DPYS: variants seen among roughly 807,000 people sequenced by gnomAD.
The protein encoded by DPYS is dihydropyrimidine amidohydrolase.
In DPYS, 39 loss-of-function variants were observed where a neutral mutation model predicts 50.3. That is an observed-to-expected ratio of 0.78 (90% confidence interval 0.60 to 1.01). The LOEUF (loss-of-function observed/expected upper bound fraction) is 1.01, where lower values mean the gene tolerates loss of function less well. DPYS is among the 50% of genes least tolerant of loss of function. The probability of loss-of-function intolerance (pLI) is 0.00; values close to 1 mark genes in which losing one functional copy is unlikely to be tolerated. For synonymous variants in DPYS, 245 were observed against 250.7 expected, an observed-to-expected ratio of 0.98 and a Z score of 0.22; for missense variants, 659 against 680.9, an observed-to-expected ratio of 0.97 and a Z score of 0.36.
chr8:104,398,530 T>A (rs570811878), intron 7 of DPYS, among the ~76,000 whole-genome samples: 1 of 152,388 alleles, frequency 6.6e-6, no homozygotes, highest in East Asian at 1.9e-4. Context: ...TTCTCTTGAT[T>A]GCAGCTAAGA....
chr8:104,427,306 C>G (rs1812764163), intron 6 of DPYS, among the ~76,000 whole-genome samples: 1 of 144,500 alleles, frequency 6.9e-6, no homozygotes, highest in African/African-American at 2.6e-5. Flanking sequence ...GTGATGGAGT[C>G]TCACTGTGTT....
rs150240877 is a variant in DPYS at position 104,391,925 on chromosome 8, T to TA, written c.1443+858dup. 3.7e-3 allele frequency among the ~76,000 whole-genome samples: 564 copies of TA among 151,548 alleles called. 3 individuals are homozygous for TA. The highest frequency in any genetic ancestry group is 0.012 in the African/African-American group (514 of 41,314). On this transcript the variant is annotated intron_variant, in intron 8 of 9. Transcript: ENST00000351513. ...ACTGCTTTGGGCCATGCCTTTCATT[T>TA]AAAAAAAAACCCATTTGAGTGTCAC...
Position 104,410,200 on chromosome 8 carries a change from T to A in DPYS, c.1235+14047A>T, listed in dbSNP as rs929950235. On this transcript the variant is annotated intron_variant, in intron 7 of 9. Coordinates refer to ENST00000351513, the MANE Select transcript of DPYS (RefSeq NM_001385.3). ...CACCAACCTAAATTAACTCCTTTTT[T>A]CCCCCATTTTCCAGGCCTTCATTTT... is the stretch of plus-strand genomic sequence containing the variant. 3.3e-5 allele frequency among the ~76,000 whole-genome samples: 5 copies of A among 152,226 alleles called. No individual in the cohort carries two copies. The East Asian group carries it at 9.7e-4, about 29-fold the overall frequency.
At chr8:104,440,481 G>GAATGGGCTCCTGACGTCAGGTGATCC (rs1256231152) in intron 4 of DPYS, among the ~76,000 whole-genome samples, 10 of 152,198 alleles carry the variant, frequency 6.6e-5, no homozygotes. Flanking sequence ...CTTGAAGACA[G>GAATGGGCTCCTGACGTCAGGTGATCC]AATGGGCTCC....
intron 8 of DPYS, among the ~76,000 whole-genome samples, chr8:104,386,375 A>G (rs1172213981): frequency 6.6e-6 from 1 of 151,906 alleles, no homozygotes; most frequent in East Asian, 2.0e-4. Context: ...TCTACTAAAA[A>G]TACAAAAATT....
chr8:104,448,964 G>A (rs1813635651), intron 2 of DPYS, among the ~76,000 whole-genome samples: 1 of 152,120 alleles, frequency 6.6e-6, no homozygotes, highest in African/African-American at 2.4e-5. Context: ...GAGAGAAGGG[G>A]CCTTGTAAGG....
chr8:104,429,517 A>G (rs771632066), intron 5 of DPYS, 28 bp downstream of exon 5: 25 of 1,613,820 alleles, frequency 1.5e-5, no homozygotes, highest in Non-Finnish European at 2.0e-5. Flanking sequence ...TTGGCAATAC[A>G]CTTCCCAGTC....
intron 7 of DPYS, among the ~76,000 whole-genome samples, chr8:104,415,126 A>T (rs1352452588): frequency 1.3e-5 from 2 of 152,244 alleles, no homozygotes; most frequent in African/African-American, 4.8e-5. Flanking sequence ...ATGACTATTG[A>T]GCTTCTATAT....
intron 7 of DPYS, among the ~76,000 whole-genome samples, chr8:104,398,328 C>T (rs965637358): frequency 1.2e-4 from 18 of 152,246 alleles, no homozygotes; most frequent in African/African-American, 4.1e-4. Flanking sequence ...CTGAGCTCCA[C>T]TGCAGTGAGG....
At chr8:104,421,388 C>T (rs1273716972) in intron 7 of DPYS, 1 of 152,170 alleles carries the variant, frequency 6.6e-6, no homozygotes, top group Non-Finnish European at 1.5e-5. Context: ...AATCCCAGCA[C>T]TTTGGGAGGC....
intron 7 of DPYS, 186 bp downstream of exon 7, chr8:104,424,061 G>C: frequency 1.0e-6 from 1 of 983,034 alleles, no homozygotes; most frequent in South Asian, 4.7e-5. Context: ...CATCCTCTAT[G>C]CCAAGAAAAA....
rs961859493 is a variant in DPYS, at chr8:104,418,692, C to T, written c.1235+5555G>A. On this transcript the variant is annotated intron_variant, in intron 7 of 9. Transcript: ENST00000351513. Reference sequence around the variant, plus strand: ...CTCACCTCCATGTTTAGTCTTGACTCACAGGGCCACGTTATCTACTCACCT... The same window carrying T: ...CTCACCTCCATGTTTAGTCTTGACTTACAGGGCCACGTTATCTACTCACCT... The T allele has an allele frequency of 2.6e-5, 4 of 152,274 alleles. No homozygotes were observed. The East Asian group carries it at 7.7e-4, about 29-fold the overall frequency. The allele number at this position is 152,274 out of a possible 1,614,324, so 9.4% of individuals were successfully genotyped here. A position where few individuals can be genotyped will look rare whatever the true frequency, so the allele number is the denominator to read the frequency against.
At chr8:104,434,522 TAC>T (rs1813062280) in intron 4 of DPYS, among the ~76,000 whole-genome samples, 1 of 152,188 alleles carries the variant, frequency 6.6e-6, no homozygotes, top group Non-Finnish European at 1.5e-5. Context: ...ATTTTTGGTT[TAC>T]ACCTCTCTGC....
intron 7 of DPYS, among the ~76,000 whole-genome samples, chr8:104,401,116 A>G (rs889774180): frequency 1.3e-5 from 2 of 152,208 alleles, no homozygotes; most frequent in African/African-American, 4.8e-5. Context: ...TGGCCTTGGA[A>G]CAGATAGATT....
chr8:104,393,040 T>C (rs1588402298), intron 7 of DPYS, 49 bp from the exon 8 acceptor site: 10 of 1,531,926 alleles, frequency 6.5e-6, no homozygotes, highest in Middle Eastern at 1.7e-4. Flanking sequence ...ACCAGCTCAC[T>C]TGATAAATAT....
chr8:104,440,841 T>A (rs781070726), intron 4 of DPYS, among the ~76,000 whole-genome samples: 3 of 152,136 alleles, frequency 2.0e-5, no homozygotes, highest in Non-Finnish European at 4.4e-5. Context: ...ATAGTATAAA[T>A]GTGTAAAACT....
chr8:104,455,015 G>T (rs973835099), intron 1 of DPYS, among the ~76,000 whole-genome samples: 2 of 152,152 alleles, frequency 1.3e-5, no homozygotes. Context: ...ATTTTAGGGT[G>T]GTGAATACTG....
chr8:104,402,269 A>C (rs1433195885), intron 7 of DPYS, among the ~76,000 whole-genome samples: 2 of 152,218 alleles, frequency 1.3e-5, no homozygotes, highest in Non-Finnish European at 2.9e-5. Context: ...GTTATTAGCA[A>C]ATTTCTGGAT....
chr8:104,393,370 AT>A (rs1811465535), intron 7 of DPYS, among the ~76,000 whole-genome samples: 1 of 152,192 alleles, frequency 6.6e-6, no homozygotes. Flanking sequence ...CTGACCCTAT[AT>A]CCAGCTCTAT....
Sources: gnomAD v4.1 joint callset for allele counts (sites outside exome capture counted in the v4.1 genomes callset) on GRCh38, gnomAD v4.1.1 for gene constraint, MANE v1.5 for transcripts, NCBI Gene and HGNC (gene_info 2026-07-23, HGNC 2026-07-21) for gene names.